CREB3L1: variants seen among roughly 807,000 people sequenced by gnomAD.
CREB3L1 encodes the protein cyclic AMP-responsive element-binding protein 3-like protein 1.
In CREB3L1, 33 loss-of-function variants were observed where a neutral mutation model predicts 54.5. The ratio of observed to expected loss-of-function variants is 0.61; its 90% CI spans 0.46 to 0.81. The LOEUF (loss-of-function observed/expected upper bound fraction) is 0.81. Ranked by LOEUF, CREB3L1 falls within the 30% of genes least tolerant of loss-of-function variation. The pLI is 0.00. For synonymous variants in CREB3L1, 284 were observed against 286.4 expected (o/e 0.99, Z 0.08); for missense variants, 656 against 673.3 (o/e 0.97, Z 0.29).
Position 46,321,012 on chromosome 11 carries a change from G to T in CREB3L1, c.*266G>T. ...GGGTACCCCACCTCCTCTCTCATAT[G>T]CCCAACACGACCACTGCCTCCCTGC... is the stretch of plus-strand genomic sequence containing the variant. On this transcript the variant is annotated 3_prime_UTR_variant, in exon 12 of 12. Transcript: ENST00000621158. 1.6e-6 allele frequency: 1 copy of T among 624,658 alleles called. No individual in the cohort carries two copies. Among genetic ancestry groups the T allele is most frequent in the Non-Finnish European group, 2.9e-6 (1 of 339,680 alleles). The allele number at this position is 624,658 out of a possible 1,614,324, so 38.7% of individuals were successfully genotyped here.
At chr11:46,303,593 G>A (rs972103137) in intron 2 of CREB3L1, among the ~76,000 whole-genome samples, 3 of 152,124 alleles carry the variant, frequency 2.0e-5, no homozygotes, top group Non-Finnish European at 4.4e-5. Context: ...GCAGTGAGCC[G>A]AAATCATGCT....
chr11:46,311,152 C>A lies in CREB3L1; in HGVS notation c.716C>A (p.Thr239Lys). The A allele has an allele frequency of 6.2e-7, 1 of 1,601,484 alleles. No individual in the cohort carries two copies. The highest frequency in any genetic ancestry group is 8.5e-7 in the Non-Finnish European group (1 of 1,177,790). ...SPVRPMARSS[T>K]AISTSPLLTA... Reference sequence around the variant, plus strand: ...GTCAGGCCCATGGCGCGCTCCTCCACGGCCATCTCCACCTCCCCACTCCTC... The same window carrying A: ...GTCAGGCCCATGGCGCGCTCCTCCAAGGCCATCTCCACCTCCCCACTCCTC... The change falls in exon 5 of 12, where the codon ACG becomes AAG. Residue 239 changes from threonine to lysine, a missense_variant. Thr to Lys is a moderately conservative substitution (Grantham distance 78). Around this residue, in one of 3 missense-constraint regions of CREB3L1, gnomAD observed 339 missense variants for 331.5 expected, o/e 1.02. Coordinates refer to ENST00000621158, the MANE Select transcript of CREB3L1 (RefSeq NM_052854.4).
At chr11:46,299,863 C>T in intron 1 of CREB3L1, 72 bp from the exon 2 acceptor site, 1 of 1,111,380 alleles carries the variant, frequency 9.0e-7, no homozygotes, top group East Asian at 2.4e-5. Context: ...TGCTGCACCA[C>T]CACAGTAGCA....
chr11:46,317,139 C>A (rs111488419), intron 9 of CREB3L1, among the ~76,000 whole-genome samples: 1 of 152,216 alleles, frequency 6.6e-6, no homozygotes, highest in Non-Finnish European at 1.5e-5. Context: ...CTGCCTGTGG[C>A]GACCCCCCTA....
Position 46,278,291 on chromosome 11 carries a change from C to A in CREB3L1, c.102+78C>A. On this transcript the variant is annotated intron_variant, in intron 1 of 11. Transcript: ENST00000621158. The surrounding 1 kb of genome is among the most constrained non-coding windows in gnomAD (Gnocchi z 4.2). The stretch of plus-strand genomic sequence containing the variant: ...GCGCGCCTGGGCCCCTAGAAGGACC[C>A]GACTACACATCACTGGGCAGGAGCC... The A allele has an allele frequency of 2.3e-6, 2 of 855,950 alleles. No homozygotes were observed. Among genetic ancestry groups the A allele is most frequent in the South Asian group, 1.6e-5 (1 of 61,790 alleles). The allele number at this position is 855,950 out of a possible 1,614,324, so 53.0% of individuals were successfully genotyped here.
intron 1 of CREB3L1, among the ~76,000 whole-genome samples, chr11:46,294,728 T>G (rs533938515): frequency 6.6e-6 from 1 of 151,490 alleles, no homozygotes; most frequent in Admixed American, 6.6e-5. Flanking sequence ...CTCTCACCAC[T>G]CCCCGCCCCC....
At chr11:46,318,003 G>A (rs1419859813) in intron 10 of CREB3L1, among the ~76,000 whole-genome samples, 1 of 152,226 alleles carries the variant, frequency 6.6e-6, no homozygotes, top group Non-Finnish European at 1.5e-5. Context: ...GATCACCTGA[G>A]GTCAGGAGTT....
chr11:46,305,690 ATGTGTGTGTGTGTGTGTGTG>A (rs764468204), intron 2 of CREB3L1, among the ~76,000 whole-genome samples: 1 of 111,620 alleles, frequency 9.0e-6, no homozygotes, highest in East Asian at 2.5e-4. Flanking sequence ...GTGTGTATAT[ATGTGTGTGTGTGTGTGTGTG>A]TGTGTGTGTG....
At chr11:46,284,229 G>A (rs1566179271) in intron 1 of CREB3L1, among the ~76,000 whole-genome samples, 1 of 152,140 alleles carries the variant, frequency 6.6e-6, no homozygotes, top group Non-Finnish European at 1.5e-5. Flanking sequence ...CACCATGGTG[G>A]GCGCCATGAT....
At chr11:46,283,383 T>C (rs1939007114) in intron 1 of CREB3L1, among the ~76,000 whole-genome samples, 1 of 152,132 alleles carries the variant, frequency 6.6e-6, no homozygotes, top group Admixed American at 6.5e-5. Context: ...CACAGGAGCA[T>C]GAGGCAGTCA....
At chr11:46,313,665 C>A (rs1461963165) in intron 8 of CREB3L1, among the ~76,000 whole-genome samples, 2 of 151,420 alleles carry the variant, frequency 1.3e-5, no homozygotes, top group Non-Finnish European at 2.9e-5. Flanking sequence ...CAGCCTGGGC[C>A]AGACTCTGTC....
chr11:46,301,851 T>A (rs557523647), intron 2 of CREB3L1, among the ~76,000 whole-genome samples: 29 of 151,912 alleles, frequency 1.9e-4, no homozygotes, highest in Non-Finnish European at 4.0e-4. Context: ...CTCTGGAGGA[T>A]GAGACAGGAG....
intron 1 of CREB3L1, among the ~76,000 whole-genome samples, chr11:46,294,897 G>A (rs1042277374): frequency 6.6e-6 from 1 of 151,784 alleles, no homozygotes; most frequent in Admixed American, 6.6e-5. Flanking sequence ...AAAGAAAGGG[G>A]GAAATGTGAG....
Position 46,318,665 on chromosome 11 carries a change from G to C in CREB3L1, c.1258+1178G>C, listed in dbSNP as rs371401572. On this transcript the variant is annotated intron_variant, in intron 10 of 11. Transcript: ENST00000621158. Reference sequence around the variant, plus strand: ...GAAGAGTGTGGATTTCAGACGCAGAGAATCCTTCAGGTGGACCCACAGAGG... The same window carrying C: ...GAAGAGTGTGGATTTCAGACGCAGACAATCCTTCAGGTGGACCCACAGAGG... 4.3e-4 allele frequency among the ~76,000 whole-genome samples: 66 copies of C among 152,308 alleles called. No individual in the cohort carries two copies. In the East Asian group the frequency reaches 5.0e-3, roughly 12 times the overall value.
intron 1 of CREB3L1, among the ~76,000 whole-genome samples, chr11:46,299,550 G>A (rs1252224173): frequency 2.6e-5 from 4 of 152,244 alleles, no homozygotes; most frequent in African/African-American, 9.6e-5. Context: ...TATGAAGGAA[G>A]TAAGAAGGAC....
intron 1 of CREB3L1, among the ~76,000 whole-genome samples, chr11:46,284,596 G>A (rs1939028662): frequency 6.6e-6 from 1 of 151,112 alleles, no homozygotes; most frequent in South Asian, 2.1e-4. Context: ...GGAGATTGCA[G>A]TGAGCCAAGA....
intron 1 of CREB3L1, among the ~76,000 whole-genome samples, chr11:46,280,882 G>A (rs1164753461): frequency 7.9e-5 from 12 of 152,182 alleles, no homozygotes; most frequent in Non-Finnish European, 2.9e-5. Context: ...AAAATGGAGA[G>A]CAGAATATTC....
At chr11:46,307,378 C>T (rs895658920) in intron 2 of CREB3L1, among the ~76,000 whole-genome samples, 2 of 152,202 alleles carry the variant, frequency 1.3e-5, no homozygotes, top group Admixed American at 6.5e-5. Context: ...GAGTGAGCCA[C>T]GGCGCTCAGC....
chr11:46,277,876 C>T lies in CREB3L1; in HGVS notation c.-236C>T, dbSNP rs1192130174. 2 of 366,296 alleles carry T rather than the reference C, an allele frequency of 5.5e-6. No individual in the cohort carries two copies. The highest frequency in any genetic ancestry group is 2.1e-5 in the African/African-American group (1 of 47,476). The allele number at this position is 366,296 out of a possible 1,614,324, so 22.7% of individuals were successfully genotyped here. ...GGAGGTGGAGTCGGCTGAATGCCCA[C>T]GGTGCGCCCGGGGCCCCTGAGCCCA... On this transcript the variant is annotated 5_prime_UTR_variant, in exon 1 of 12. The change creates a new upstream start codon in the 5' untranslated region. Transcript: ENST00000621158.
Sources: gnomAD v4.1 joint callset for allele counts (sites outside exome capture counted in the v4.1 genomes callset) on GRCh38, gnomAD v4.1.1 for gene constraint, gnomAD v4.1.1 regional missense constraint, Gnocchi (gnomAD v3.1) non-coding constraint, MANE v1.5 for transcripts, NCBI Gene and HGNC (gene_info 2026-07-23, HGNC 2026-07-21) for gene names.